The following COPS4 variants were observed in gnomAD, a reference collection of about 807,000 sequenced individuals.
COPS4 encodes COP9 signalosome complex subunit 4.
Under a neutral mutation model 55.1 loss-of-function variants are expected in COPS4, and 8 were observed. The ratio of observed to expected loss-of-function variants is 0.15; its 90% CI spans 0.09 to 0.26. The LOEUF (loss-of-function observed/expected upper bound fraction) is 0.26, where lower values mean the gene tolerates loss of function less well. Among genes scored for constraint, COPS4 ranks in the 10% least tolerant of loss-of-function variants. The pLI, the probability that COPS4 is intolerant of heterozygous loss-of-function variation, is 1.00. For missense variants in COPS4, 248 were observed against 484.0 expected (o/e 0.51, Z 4.58); for synonymous variants, 185 against 165.7 (o/e 1.12, Z -0.90).
intron 1 of COPS4, among the ~76,000 whole-genome samples, chr4:83,043,144 CT>C (rs1234331070): frequency 6.6e-6 from 1 of 152,040 alleles, no homozygotes; most frequent in Non-Finnish European, 1.5e-5. Flanking sequence ...ACTTTGATCA[CT>C]TTTTAGGTTG....
rs754100503 is a variant in COPS4, at chr4:83,035,200, C to T, written c.-25C>T. 4.3e-5 allele frequency: 67 copies of T among 1,543,162 alleles called. No individual in the cohort carries two copies. The highest frequency in any genetic ancestry group is 5.6e-5 in the Non-Finnish European group (64 of 1,134,610). ...TCTTTTTGGCTGCCAGAGGCCCCCGCATCCACCGCTGAGCTGGGAGAAAGA... is the reference window on the plus strand; with the variant it reads ...TCTTTTTGGCTGCCAGAGGCCCCCGTATCCACCGCTGAGCTGGGAGAAAGA... On this transcript the variant is annotated 5_prime_UTR_variant, in exon 1 of 10. Coordinates refer to ENST00000264389, the MANE Select transcript of COPS4 (RefSeq NM_016129.3).
chr4:83,056,850 C>T, intron 4 of COPS4, 76 bp from the exon 5 acceptor site: 1 of 1,234,900 alleles, frequency 8.1e-7, no homozygotes, highest in Non-Finnish European at 1.1e-6. Flanking sequence ...CAGGAAAAAA[C>T]AACATATCTT....
intron 4 of COPS4, among the ~76,000 whole-genome samples, chr4:83,054,342 AAAAAC>A (rs553121493): frequency 9.3e-4 from 142 of 152,138 alleles, no homozygotes; most frequent in South Asian, 7.5e-3. Flanking sequence ...ACTCCATCTC[AAAAAC>A]AAAACAAAAC....
At chr4:83,054,828 G>C (rs543830936) in intron 4 of COPS4, among the ~76,000 whole-genome samples, 1 of 152,134 alleles carries the variant, frequency 6.6e-6, no homozygotes, top group Non-Finnish European at 1.5e-5. Context: ...TTTTCTAAAC[G>C]AGTTAAAGTG....
chr4:83,045,592 C>G, intron 1 of COPS4, 34 bp from the exon 2 acceptor site: 1 of 1,513,124 alleles, frequency 6.6e-7, no homozygotes, highest in Non-Finnish European at 9.2e-7. Context: ...ATATAGTACC[C>G]TCAGAACATT....
chr4:83,056,921 C>T lies in COPS4; in HGVS notation c.411-5C>T. On this transcript the variant is annotated splice_region_variant and splice_polypyrimidine_tract_variant and intron_variant, in intron 4 of 9. Coordinates refer to ENST00000264389, the MANE Select transcript of COPS4 (RefSeq NM_016129.3). The stretch of plus-strand genomic sequence containing the variant: ...GTCATTATGTGTTTTTCTGTTACAT[C>T]CTAGACAGTACAATGTAGATTATAA... 1.2e-6 allele frequency: 2 copies of T among 1,602,932 alleles called. No homozygotes were observed. The highest frequency in any genetic ancestry group is 1.7e-6 in the Non-Finnish European group (2 of 1,174,078).
chr4:83,075,200 C>T, intron 9 of COPS4, 97 bp from the exon 10 acceptor site: 1 of 1,077,976 alleles, frequency 9.3e-7, no homozygotes, highest in Non-Finnish European at 1.3e-6. Context: ...CATGCCTCTT[C>T]CAAGAATAGG....
At chr4:83,041,357 C>T (rs1208816412) in intron 1 of COPS4, among the ~76,000 whole-genome samples, 2 of 152,084 alleles carry the variant, frequency 1.3e-5, no homozygotes, top group African/African-American at 2.4e-5. Flanking sequence ...GCCACTGCGC[C>T]CGGCCAAATT....
intron 6 of COPS4, among the ~76,000 whole-genome samples, chr4:83,060,315 C>G (rs1731133089): frequency 7.1e-6 from 1 of 141,520 alleles, no homozygotes. Flanking sequence ...TCCGGAGTAG[C>G]TGGGACTACA....
Position 83,057,069 on chromosome 4 carries a change from T to A in COPS4, c.554T>A (p.Ile185Lys), listed in dbSNP as rs1468310372. ...QNESTNEQLQ[I>K]HYKVCYARVL... Reference sequence around the variant, plus strand: ...GAATCAACCAATGAACAATTACAGATACATTATAAGGTAACAGATGAGTTG... The same window carrying A: ...GAATCAACCAATGAACAATTACAGAAACATTATAAGGTAACAGATGAGTTG... Residue 185 changes from isoleucine to lysine, a missense_variant, in exon 5 of 10, where the codon ATA becomes AAA. This residue lies in a region of COPS4 where 155 missense variants were observed against 326.6 expected (regional missense o/e 0.47). Transcript: ENST00000264389. The A allele has an allele frequency of 1.2e-6, 2 of 1,613,420 alleles. No individual in the cohort carries two copies. The highest frequency in any genetic ancestry group is 3.3e-5 in the Admixed American group (2 of 59,874).
intron 7 of COPS4, chr4:83,064,940 C>T (rs763456024): frequency 1.0e-4 from 18 of 178,356 alleles, no homozygotes; most frequent in South Asian, 9.5e-4. Context: ...CCCAGGCTGG[C>T]GCTGGCATGA....
intron 1 of COPS4, among the ~76,000 whole-genome samples, chr4:83,040,309 C>T (rs1730527597): frequency 6.6e-6 from 1 of 152,134 alleles, no homozygotes; most frequent in East Asian, 1.9e-4. Context: ...TAACTCCAGT[C>T]AGTATTTGAC....
chr4:83,041,832 T>C (rs925761605), intron 1 of COPS4, among the ~76,000 whole-genome samples: 1 of 151,984 alleles, frequency 6.6e-6, no homozygotes, highest in Non-Finnish European at 1.5e-5. Flanking sequence ...TTCAGTTTTA[T>C]CATAACTTTT....
chr4:83,056,919 A>G lies in COPS4; in HGVS notation c.411-7A>G, dbSNP rs1731029409. ...GAGTCATTATGTGTTTTTCTGTTAC[A>G]TCCTAGACAGTACAATGTAGATTAT... On this transcript the variant is annotated splice_region_variant and splice_polypyrimidine_tract_variant and intron_variant, in intron 4 of 9. Transcript: ENST00000264389. The G allele has an allele frequency of 1.2e-6, 2 of 1,602,544 alleles. No individual in the cohort carries two copies. The highest frequency in any genetic ancestry group is 1.3e-5 in the African/African-American group (1 of 74,458).
In COPS4 at chr4:83,063,275, T is replaced by TTCA. The variant is rs747604455; in HGVS notation, c.886+29_886+30insTCA. On this transcript the variant is annotated intron_variant, in intron 7 of 9. Transcript: ENST00000264389. ...ATGATCCTGTCTTATGTGTATATGG[T>TTCA]AGTCAATGTTTAGGTACAGACTAGT... 5.8e-5 allele frequency: 91 copies of TTCA among 1,559,616 alleles called. No individual in the cohort carries two copies. In the African/African-American group the frequency reaches 1.2e-3, roughly 20 times the overall value.
chr4:83,051,918 T>A (rs971121360), intron 4 of COPS4, among the ~76,000 whole-genome samples: 22 of 151,976 alleles, frequency 1.4e-4, no homozygotes, highest in Admixed American at 1.2e-3. Context: ...AAGAAGGAAA[T>A]CAGAATAATG....
chr4:83,061,118 C>A (rs1337815025), intron 6 of COPS4, among the ~76,000 whole-genome samples: 1 of 150,968 alleles, frequency 6.6e-6, no homozygotes, highest in East Asian at 1.9e-4. Context: ...TTTGCTCATT[C>A]TATTCTTCTG....
intron 4 of COPS4, among the ~76,000 whole-genome samples, chr4:83,050,761 A>T (rs1211981673): frequency 6.6e-6 from 1 of 152,206 alleles, no homozygotes; most frequent in Admixed American, 6.6e-5. Flanking sequence ...GGATGAGAGT[A>T]GAGAGTACTG....
At chr4:83,045,754 C>T (rs376608461) in intron 2 of COPS4, 49 bp downstream of exon 2, 1 of 1,211,958 alleles carries the variant, frequency 8.3e-7, no homozygotes, top group East Asian at 2.3e-5. Flanking sequence ...TGAGCTAGGA[C>T]TTTAAAGTTC....
Sources: allele counts gnomAD v4.1 joint callset (sites outside exome capture counted in the v4.1 genomes callset), GRCh38; gene constraint gnomAD v4.1.1; regional missense constraint gnomAD v4.1.1; transcripts MANE v1.5; gene names NCBI Gene and HGNC (gene_info 2026-07-23, HGNC 2026-07-21).